The following BUD13 variants were observed in gnomAD, a reference collection of about 807,000 sequenced individuals.
BUD13 encodes BUD13 homolog.
BUD13 carries 47 observed loss-of-function variants against 62.5 expected under a neutral mutation model. That is an observed-to-expected ratio of 0.75 (90% CI 0.60 to 0.96). BUD13 has a LOEUF of 0.96. Ranked by LOEUF, BUD13 falls within the 40% of genes least tolerant of loss-of-function variation. The probability of loss-of-function intolerance (pLI) is 0.00; values close to 1 mark genes in which losing one functional copy is unlikely to be tolerated. For missense variants in BUD13, 821 were observed against 790.9 expected (o/e 1.04, Z -0.46); for synonymous variants, 293 against 280.1 (o/e 1.05, Z -0.46).
chr11:116,753,008 AT>A (rs1940265027), intron 9 of BUD13, among the ~76,000 whole-genome samples: 1 of 152,220 alleles, frequency 6.6e-6, no homozygotes, highest in South Asian at 2.1e-4. Flanking sequence ...GATTCTAGAC[AT>A]TGCAGAGTAA....
At position 116,760,760 on chromosome 11, in the gene BUD13, C is replaced by G. The variant is rs753401362; in HGVS notation, c.1229G>C (p.Arg410Pro). Residue 410 changes from arginine to proline, a missense_variant, in exon 5 of 10, where the codon CGA becomes CCA. By Grantham distance (103) the Arg-to-Pro change is moderately radical. This residue lies in a region of BUD13 where 800 missense variants were observed against 739.2 expected (regional missense o/e 1.08). Coordinates refer to ENST00000260210, the MANE Select transcript of BUD13 (RefSeq NM_032725.4). ...KSSDSDLSPP[R>P]RSQPPGKKAA... Reference sequence around the variant, plus strand: ...CTTCTTTCCAGGAGGCTGACTCCTTCGAGGCGGGGACAGGTCAGAATCAGA... The same window carrying G: ...CTTCTTTCCAGGAGGCTGACTCCTTGGAGGCGGGGACAGGTCAGAATCAGA... 6.2e-7 allele frequency: 1 copy of G among 1,614,074 alleles called. No individual in the cohort carries two copies.
chr11:116,758,062 G>A, intron 7 of BUD13, 112 bp from the exon 8 acceptor site: 1 of 1,441,684 alleles, frequency 6.9e-7, no homozygotes, highest in Non-Finnish European at 9.4e-7. Context: ...GTACCCTAGG[G>A]CAAATACTGA....
At chr11:116,762,283 T>C (rs569694238) in intron 4 of BUD13, among the ~76,000 whole-genome samples, 2 of 152,356 alleles carry the variant, frequency 1.3e-5, no homozygotes, top group African/African-American at 4.8e-5. Flanking sequence ...GAATTTTGTG[T>C]CACATTTTAT....
In BUD13 at chr11:116,763,192, G is replaced by A. The variant is rs1940470138; in HGVS notation, c.397C>T (p.His133Tyr). The A allele has an allele frequency of 1.3e-6, 2 of 1,593,742 alleles. No individual in the cohort carries two copies. Among genetic ancestry groups the A allele is most frequent in the Non-Finnish European group, 8.6e-7 (1 of 1,169,442 alleles). ...CTAGGAGATGGATCTGGGGTACCAT[G>A]ACGGACCCTCCTAGGAGATGAATCC... is the stretch of plus-strand genomic sequence containing the variant. ...TPDSSPRRVR[H>Y]GTPDPSPRKD... Residue 133 changes from histidine (H) to tyrosine (Y), a missense_variant, in exon 4 of 10, where the codon CAT (histidine) becomes TAT (tyrosine). Physicochemically the swap from His to Tyr is moderately conservative, Grantham distance 83. Coordinates refer to ENST00000260210, the MANE Select transcript of BUD13 (RefSeq NM_032725.4).
At chr11:116,766,710 C>G (rs761250770) in intron 2 of BUD13, among the ~76,000 whole-genome samples, 2 of 152,192 alleles carry the variant, frequency 1.3e-5, no homozygotes, top group African/African-American at 4.8e-5. Flanking sequence ...TTAATTATTC[C>G]TGTGCTGCCA....
intron 9 of BUD13, among the ~76,000 whole-genome samples, chr11:116,751,340 G>A (rs1286542776): frequency 1.3e-5 from 2 of 152,210 alleles, no homozygotes; most frequent in Non-Finnish European, 1.5e-5. Flanking sequence ...TTTAAGAAGG[G>A]AAGCTTGGCC....
intron 9 of BUD13, among the ~76,000 whole-genome samples, chr11:116,752,624 G>A (rs866612408): frequency 1.3e-5 from 2 of 152,166 alleles, no homozygotes; most frequent in Non-Finnish European, 2.9e-5. Context: ...CTGGCTGTAT[G>A]TATGGCAAAT....
intron 5 of BUD13, among the ~76,000 whole-genome samples, chr11:116,759,476 T>C (rs1161104712): frequency 6.6e-6 from 1 of 152,220 alleles, no homozygotes; most frequent in Non-Finnish European, 1.5e-5. Context: ...TCTCAGGTCA[T>C]CTGATCAGAA....
intron 1 of BUD13, among the ~76,000 whole-genome samples, chr11:116,771,477 G>A (rs1940628432): frequency 1.3e-5 from 2 of 152,266 alleles, no homozygotes; most frequent in South Asian, 2.1e-4. Flanking sequence ...AAAAGCCAGG[G>A]TCACTTAATG....
At chr11:116,760,581 T>G in intron 5 of BUD13, 154 bp downstream of exon 5, 1 of 787,358 alleles carries the variant, frequency 1.3e-6, no homozygotes, top group Middle Eastern at 3.8e-4. Flanking sequence ...CAGTTTGCCT[T>G]CAGAAGGAAA....
At chr11:116,770,251 G>A (rs372586595) in intron 1 of BUD13, 29 bp from the exon 2 acceptor site, 1 of 1,561,816 alleles carries the variant, frequency 6.4e-7, no homozygotes, top group Non-Finnish European at 8.7e-7. Flanking sequence ...ATCAAAAAGA[G>A]TCATTCTAGG....
chr11:116,755,109 T>C (rs1436500971), intron 9 of BUD13, among the ~76,000 whole-genome samples: 1 of 152,180 alleles, frequency 6.6e-6, no homozygotes, highest in Non-Finnish European at 1.5e-5. Flanking sequence ...ATATCACAAA[T>C]ATTTTCAAGA....
chr11:116,759,018 T>TAA (rs35268246), intron 6 of BUD13, 56 bp downstream of exon 6: 102,495 of 1,067,530 alleles, frequency 0.096, 1,151 homozygotes, highest in African/African-American at 0.16. Flanking sequence ...TAAGCTAAAT[T>TAA]AAAAAAAAAA....
intron 9 of BUD13, among the ~76,000 whole-genome samples, chr11:116,752,513 C>A (rs1313647568): frequency 1.3e-5 from 2 of 151,624 alleles, no homozygotes; most frequent in African/African-American, 4.8e-5. Context: ...AAAACTAGGT[C>A]AGGGAGAATT....
Position 116,758,354 on chromosome 11 carries a change from T to G in BUD13, c.1414A>C (p.Asn472His). ...TGCTCTAAACGTTCGAGTTTCAAAT[T>G]CCTCTTACGACCAGACTTATCTCGA... is the stretch of plus-strand genomic sequence containing the variant. ...VFRDKSGRKR[N>H]LKLERLEQRR... is the part of the protein sequence containing the mutation. The change falls in exon 7 of 10, where the codon AAT becomes CAT. Residue 472 changes from asparagine (N) to histidine (H), a missense_variant. Physicochemically the swap from Asn to His is moderately conservative, Grantham distance 68. Transcript: ENST00000260210. 1 of 1,614,164 alleles carries G rather than the reference T, an allele frequency of 6.2e-7. No individual in the cohort carries two copies. Among genetic ancestry groups the G allele is most frequent in the South Asian group, 1.1e-5 (1 of 91,082 alleles).
At chr11:116,765,264 TA>T in intron 3 of BUD13, 97 bp downstream of exon 3, 2 of 1,297,368 alleles carry the variant, frequency 1.5e-6, no homozygotes, top group Non-Finnish European at 2.2e-6. Context: ...AATGACATGC[TA>T]AAACAAACTA....
chr11:116,750,064 G>T (rs747731301), intron 9 of BUD13, among the ~76,000 whole-genome samples: 2 of 152,186 alleles, frequency 1.3e-5, no homozygotes, highest in Non-Finnish European at 2.9e-5. Context: ...AAATACACCA[G>T]ACCAAGATGC....
intron 9 of BUD13, among the ~76,000 whole-genome samples, chr11:116,752,012 C>T (rs879940010): frequency 2.6e-5 from 4 of 152,110 alleles, no homozygotes; most frequent in Admixed American, 6.5e-5. Context: ...GGCACGATCT[C>T]GGCTCACTGC....
Position 116,757,128 on chromosome 11 carries a change from A to C in BUD13, c.1766+18T>G, listed in dbSNP as rs370581325. The C allele has an allele frequency of 1.5e-4, 241 of 1,611,980 alleles. No homozygotes were observed. In the African/African-American group the frequency reaches 2.9e-3, roughly 19 times the overall value. On this transcript the variant is annotated intron_variant, in intron 9 of 9. Coordinates refer to ENST00000260210, the MANE Select transcript of BUD13 (RefSeq NM_032725.4). Reference sequence around the variant, plus strand: ...AGGTTACAGTCAGGTAGAAAATGTAAGAAATACCCAGGCTTACCTGTCCAC... The same window carrying C: ...AGGTTACAGTCAGGTAGAAAATGTACGAAATACCCAGGCTTACCTGTCCAC...
Sources: gnomAD v4.1 joint callset for allele counts (sites outside exome capture counted in the v4.1 genomes callset) on GRCh38, gnomAD v4.1.1 for gene constraint, gnomAD v4.1.1 regional missense constraint, MANE v1.5 for transcripts, NCBI Gene and HGNC (gene_info 2026-07-23, HGNC 2026-07-21) for gene names.